THSD7B: variants seen among roughly 807,000 people sequenced by gnomAD.
THSD7B encodes thrombospondin type-1 domain-containing protein 7B.
THSD7B carries 138 observed loss-of-function variants against 213.6 expected under a neutral mutation model. That is an observed-to-expected ratio of 0.65 (90% CI 0.56 to 0.74). The LOEUF is 0.74. Ranked by LOEUF, THSD7B falls within the 30% of genes least tolerant of loss-of-function variation. THSD7B has a pLI of 0.00. For synonymous variants in THSD7B, 742 were observed against 687.0 expected (o/e 1.08, Z -1.25); for missense variants, 1,931 against 1,991.5 (o/e 0.97, Z 0.58).
At chr2:137,015,891 T>C (rs1686330611) in intron 2 of THSD7B, among the ~76,000 whole-genome samples, 1 of 152,068 alleles carries the variant, frequency 6.6e-6, no homozygotes. Context: ...TCCCCTTTCC[T>C]CGAGAGGAGG....
intron 12 of THSD7B, among the ~76,000 whole-genome samples, chr2:137,327,301 C>A (rs1171744554): frequency 1.3e-5 from 2 of 151,348 alleles, no homozygotes; most frequent in East Asian, 3.9e-4. Flanking sequence ...TTTTCTGGTA[C>A]TGAGTTGAAG....
chr2:136,937,435 C>T (rs1684754923), intron 2 of THSD7B, among the ~76,000 whole-genome samples: 1 of 152,178 alleles, frequency 6.6e-6, no homozygotes, highest in Middle Eastern at 3.4e-3. Flanking sequence ...GATGTGTCTT[C>T]TCTGAACTTG....
rs148520257 is a variant in THSD7B, at chr2:137,093,815, G to A, written c.951-1058G>A. 3.0e-3 allele frequency among the ~76,000 whole-genome samples: 452 copies of A among 152,074 alleles called. 4 individuals carry two copies. The highest frequency in any genetic ancestry group is 0.01 in the African/African-American group (434 of 41,498). ...TAGGGTACATGTGCACAACGTGCAG[G>A]TTTGTTACATATGTATACATGTGCC... On this transcript the variant is annotated intron_variant, in intron 3 of 27. Transcript: ENST00000409968.
intron 12 of THSD7B, among the ~76,000 whole-genome samples, chr2:137,287,505 T>C (rs1166377285): frequency 6.6e-6 from 1 of 152,146 alleles, no homozygotes; most frequent in Non-Finnish European, 1.5e-5. Context: ...GTGGCTTTTA[T>C]GGTTGCTTCA....
intron 3 of THSD7B, among the ~76,000 whole-genome samples, chr2:137,065,247 C>T (rs1042756944): frequency 6.6e-6 from 1 of 151,680 alleles, no homozygotes; most frequent in Non-Finnish European, 1.5e-5. Context: ...AAGTTTATTC[C>T]TATGTATTTT....
chr2:136,775,543 G>A (rs575207459), intron 1 of THSD7B, among the ~76,000 whole-genome samples: 6 of 152,144 alleles, frequency 3.9e-5, no homozygotes, highest in African/African-American at 1.4e-4. Flanking sequence ...ATTTTGTTCA[G>A]GGGATAAAGA....
intron 2 of THSD7B, among the ~76,000 whole-genome samples, chr2:137,033,165 T>C (rs949039234): frequency 2.6e-5 from 4 of 152,208 alleles, no homozygotes; most frequent in Non-Finnish European, 5.9e-5. Flanking sequence ...TGTATATGTG[T>C]CTACATGCCA....
At chr2:137,114,142 T>A (rs1446570656) in intron 4 of THSD7B, among the ~76,000 whole-genome samples, 1 of 152,214 alleles carries the variant, frequency 6.6e-6, no homozygotes, top group Non-Finnish European at 1.5e-5. Flanking sequence ...GTTTTTCCTC[T>A]TTTTTCTTTT....
intron 2 of THSD7B, among the ~76,000 whole-genome samples, chr2:136,887,879 T>C (rs1432851564): frequency 1.3e-5 from 2 of 152,112 alleles, no homozygotes; most frequent in African/African-American, 4.8e-5. Context: ...GTTTAACCTC[T>C]CTGAGCCATA....
intron 15 of THSD7B, among the ~76,000 whole-genome samples, chr2:137,497,597 A>G (rs1679599984): frequency 6.6e-6 from 1 of 150,620 alleles, no homozygotes; most frequent in Non-Finnish European, 1.5e-5. Flanking sequence ...CTGTATATAT[A>G]TATGTATGTG....
intron 2 of THSD7B, among the ~76,000 whole-genome samples, chr2:136,897,946 T>A (rs1043931251): frequency 6.7e-6 from 1 of 148,982 alleles, no homozygotes; most frequent in African/African-American, 2.5e-5. Context: ...CACAGAGCGC[T>A]TGCGTTTTTA....
chr2:137,608,538 C>T (rs1417504809), intron 17 of THSD7B, among the ~76,000 whole-genome samples: 1 of 152,096 alleles, frequency 6.6e-6, no homozygotes, highest in Non-Finnish European at 1.5e-5. Flanking sequence ...TCTGTAAAAA[C>T]AAGGATATTA....
At chr2:137,587,854 C>A (rs986661152) in intron 17 of THSD7B, among the ~76,000 whole-genome samples, 1 of 152,200 alleles carries the variant, frequency 6.6e-6, no homozygotes. Flanking sequence ...CCACTACTCT[C>A]TTCAGAGCTG....
intron 15 of THSD7B, among the ~76,000 whole-genome samples, chr2:137,485,281 C>A (rs1303772884): frequency 6.8e-6 from 1 of 147,140 alleles, no homozygotes; most frequent in Non-Finnish European, 1.5e-5. Flanking sequence ...AATAGGGAAT[C>A]CTTTCCCCAT....
intron 2 of THSD7B, among the ~76,000 whole-genome samples, chr2:136,910,657 A>C (rs1047172273): frequency 6.6e-6 from 1 of 152,188 alleles, no homozygotes; most frequent in Non-Finnish European, 1.5e-5. Context: ...TACGTGAACA[A>C]TTCAGGAGTT....
At chr2:137,313,699 C>T (rs1187659605) in intron 12 of THSD7B, among the ~76,000 whole-genome samples, 1 of 151,990 alleles carries the variant, frequency 6.6e-6, no homozygotes, top group Non-Finnish European at 1.5e-5. Context: ...TAGAGCCGGC[C>T]TGGTGGTGAC....
At chr2:137,628,737 T>C (rs1330511574) in intron 20 of THSD7B, among the ~76,000 whole-genome samples, 1 of 152,232 alleles carries the variant, frequency 6.6e-6, no homozygotes, top group Non-Finnish European at 1.5e-5. Flanking sequence ...AATAAAGTCC[T>C]GTATTGTGAA....
intron 12 of THSD7B, among the ~76,000 whole-genome samples, chr2:137,307,096 A>G (rs1019837859): frequency 1.3e-5 from 2 of 152,138 alleles, no homozygotes; most frequent in Admixed American, 6.5e-5. Flanking sequence ...CTAGTTCGAA[A>G]CATGAGCTTC....
intron 5 of THSD7B, among the ~76,000 whole-genome samples, chr2:137,137,712 C>G (rs144744961): frequency 3.2e-4 from 48 of 152,188 alleles, no homozygotes; most frequent in African/African-American, 1.1e-3. Flanking sequence ...AAATGTATTC[C>G]TATGGTTAAG....
Sources: allele counts gnomAD v4.1 joint callset (sites outside exome capture counted in the v4.1 genomes callset), GRCh38; gene constraint gnomAD v4.1.1; transcripts MANE v1.5; gene names NCBI Gene and HGNC (gene_info 2026-07-23, HGNC 2026-07-21).